The following CREBBP variants were observed in gnomAD, a reference collection of about 807,000 sequenced individuals.
The protein encoded by CREBBP is CREB-binding protein.
Under a neutral mutation model 265.0 loss-of-function variants are expected in CREBBP, and 19 were observed. The observed-to-expected ratio is 0.07, with a 90% confidence interval of 0.05 to 0.11. The LOEUF (loss-of-function observed/expected upper bound fraction) is 0.11. Among genes scored for constraint, CREBBP ranks in the 10% least tolerant of loss-of-function variants. The pLI is 1.00. For synonymous variants in CREBBP, 1,457 were observed against 1,223.7 expected (o/e 1.19, Z -3.98); for missense variants, 2,525 against 3,219.0 (o/e 0.78, Z 5.22).
At chr16:3,791,534 C>T (rs1308276440) in intron 5 of CREBBP, among the ~76,000 whole-genome samples, 2 of 152,168 alleles carry the variant, frequency 1.3e-5, no homozygotes, top group Non-Finnish European at 2.9e-5. Flanking sequence ...CTGACAGAGC[C>T]TTCAAAATTT....
At chr16:3,848,981 T>C (rs1359436603) in intron 2 of CREBBP, among the ~76,000 whole-genome samples, 1 of 152,262 alleles carries the variant, frequency 6.6e-6, no homozygotes, top group Admixed American at 6.5e-5. Flanking sequence ...CACAGGGTTT[T>C]GCATCCGTCA....
At chr16:3,788,212 A>G (rs2053430613) in intron 5 of CREBBP, among the ~76,000 whole-genome samples, 1 of 152,200 alleles carries the variant, frequency 6.6e-6, no homozygotes, top group Non-Finnish European at 1.5e-5. Context: ...GAATGACTCA[A>G]ACCCTCTCAC....
At chr16:3,730,842 C>T (rs1596790650) in intron 30 of CREBBP, among the ~76,000 whole-genome samples, 2 of 152,108 alleles carry the variant, frequency 1.3e-5, no homozygotes, top group Admixed American at 6.5e-5. Flanking sequence ...GGAGCATGAC[C>T]GGGGGGTCCT....
chr16:3,763,952 C>T (rs2052785261), intron 16 of CREBBP, among the ~76,000 whole-genome samples: 1 of 148,974 alleles, frequency 6.7e-6, no homozygotes, highest in Non-Finnish European at 1.5e-5. Flanking sequence ...TCAAGTGATT[C>T]TCCTGCCTCA....
chr16:3,820,939 G>A (rs1449166352), intron 2 of CREBBP, among the ~76,000 whole-genome samples: 5 of 152,210 alleles, frequency 3.3e-5, no homozygotes, highest in East Asian at 1.9e-4. Flanking sequence ...CAGTGAAACC[G>A]GCACCCTAAT....
At position 3,880,650 on chromosome 16, in the gene CREBBP, A is replaced by G. The variant is rs1446598246; in HGVS notation, c.-734T>C. The G allele has an allele frequency of 1.4e-5, 2 of 145,114 alleles. No homozygotes were observed. Among genetic ancestry groups the G allele is most frequent in the East Asian group, 4.1e-4 (2 of 4,896 alleles). The allele number at this position is 145,114 out of a possible 1,614,324, so 9.0% of individuals were successfully genotyped here. On this transcript the variant is annotated 5_prime_UTR_variant, in exon 1 of 31. Coordinates refer to ENST00000262367, the MANE Select transcript of CREBBP (RefSeq NM_004380.3). Reference sequence around the variant, plus strand: ...GTGGGGCCCGGGACCGGCGGGGCCGAGTAGATCGCGCTCGAAGCCCCGGTC... The same window carrying G: ...GTGGGGCCCGGGACCGGCGGGGCCGGGTAGATCGCGCTCGAAGCCCCGGTC...
intron 28 of CREBBP, among the ~76,000 whole-genome samples, chr16:3,735,505 C>T (rs1366244867): frequency 1.3e-5 from 2 of 152,120 alleles, no homozygotes; most frequent in South Asian, 2.1e-4. Flanking sequence ...ACTGTGTTAG[C>T]CAGGCTGGTC....
intron 16 of CREBBP, among the ~76,000 whole-genome samples, chr16:3,762,440 A>G (rs1482458499): frequency 7.8e-6 from 1 of 128,352 alleles, no homozygotes; most frequent in Non-Finnish European, 1.6e-5. Flanking sequence ...CTCGGCCCCC[A>G]AAGTGCTGGG....
At chr16:3,876,073 C>CT (rs892010282) in intron 1 of CREBBP, among the ~76,000 whole-genome samples, 1 of 152,122 alleles carries the variant, frequency 6.6e-6, no homozygotes, top group African/African-American at 2.4e-5. Flanking sequence ...GGGTCTCACT[C>CT]TGTCACCCAG....
intron 3 of CREBBP, among the ~76,000 whole-genome samples, chr16:3,807,061 T>A (rs898351050): frequency 1.3e-5 from 2 of 152,224 alleles, no homozygotes; most frequent in African/African-American, 4.8e-5. Context: ...CCGTGGCCAC[T>A]ACACCTTCCA....
intron 2 of CREBBP, among the ~76,000 whole-genome samples, chr16:3,843,087 AT>A (rs1198749144): frequency 6.6e-6 from 1 of 152,110 alleles, no homozygotes; most frequent in African/African-American, 2.4e-5. Context: ...AATTTTAAAG[AT>A]TAGATGAAAA....
intron 19 of CREBBP, among the ~76,000 whole-genome samples, chr16:3,754,128 A>G: frequency 6.9e-6 from 1 of 143,998 alleles, no homozygotes; most frequent in South Asian, 2.1e-4. Flanking sequence ...GGGGAGGCAA[A>G]GCATTATCAA....
At chr16:3,782,003 G>C (rs548846136) in intron 6 of CREBBP, among the ~76,000 whole-genome samples, 1 of 152,184 alleles carries the variant, frequency 6.6e-6, no homozygotes, top group Non-Finnish European at 1.5e-5. Flanking sequence ...ATTAGGGAAA[G>C]AACAAAACTA....
rs2151317561 is a variant in CREBBP, at chr16:3,731,453, C to T, written c.4911G>A (p.Leu1637=). Residue 1637 remains leucine, a synonymous_variant, in exon 30 of 31, where the codon CTG becomes CTA. Transcript: ENST00000262367. The surrounding 1 kb of genome is among the most constrained non-coding windows in gnomAD (Gnocchi z 7.7). Reference sequence around the variant, plus strand: ...GGGTGTTGATGACAGGCCCAGCGTGCAGGTGGATCACGAAGAAGACCTGCA... The same window carrying T: ...GGGTGTTGATGACAGGCCCAGCGTGTAGGTGGATCACGAAGAAGACCTGCA... ...KHKEVFFVIH[L]HAGPVINTLP... The T allele has an allele frequency of 6.3e-7, 1 of 1,592,734 alleles. No individual in the cohort carries two copies. The highest frequency in any genetic ancestry group is 1.3e-5 in the African/African-American group (1 of 74,892).
At chr16:3,734,461 A>G (rs1312085758) in intron 28 of CREBBP, among the ~76,000 whole-genome samples, 1 of 152,126 alleles carries the variant, frequency 6.6e-6, no homozygotes, top group East Asian at 1.9e-4. Context: ...TCTTCTGGAC[A>G]ACCCCACTGC....
In CREBBP at chr16:3,780,760, C is replaced by T. The variant is rs909245151; in HGVS notation, c.1795G>A (p.Asp599Asn). The part of the protein sequence containing the change: ...RKGWHEHVTQ[D>N]LRSHLVHKLV... ...TTATGCACTAGATGGCTCCGCAGGT[C>T]CTGAGTGACATGTTCGTGCCAGCCT... Residue 599 changes from aspartate to asparagine, a missense_variant, in exon 8 of 31, where the codon GAC becomes AAC. By Grantham distance (23) the Asp-to-Asn change is conservative. This residue lies in a region of CREBBP where 144 missense variants were observed against 134.0 expected (regional missense o/e 1.07). Transcript: ENST00000262367. 6.2e-7 allele frequency: 1 copy of T among 1,614,082 alleles called. No individual in the cohort carries two copies. The highest frequency in any genetic ancestry group is 1.1e-5 in the South Asian group (1 of 91,076).
At chr16:3,838,075 C>T (rs1250319748) in intron 2 of CREBBP, among the ~76,000 whole-genome samples, 1 of 152,192 alleles carries the variant, frequency 6.6e-6, no homozygotes, top group Non-Finnish European at 1.5e-5. Flanking sequence ...CTCAAGTGAT[C>T]CTCCGGCCTC....
intron 23 of CREBBP, chr16:3,743,117 G>A (rs545578051): frequency 6.6e-6 from 1 of 152,364 alleles, no homozygotes; most frequent in African/African-American, 2.4e-5. Context: ...TGCCCCTCCA[G>A]GGGACATCTG....
intron 1 of CREBBP, 140 bp downstream of exon 1, chr16:3,879,692 G>C (rs1228866986): frequency 2.2e-6 from 2 of 920,664 alleles, no homozygotes; most frequent in African/African-American, 1.6e-5. Flanking sequence ...CCTCCCGCGC[G>C]GGGCGAGGGG....
Sources: allele counts gnomAD v4.1 joint callset (sites outside exome capture counted in the v4.1 genomes callset), GRCh38; gene constraint gnomAD v4.1.1; regional missense constraint gnomAD v4.1.1; non-coding constraint Gnocchi (gnomAD v3.1); transcripts MANE v1.5; gene names NCBI Gene and HGNC (gene_info 2026-07-23, HGNC 2026-07-21).